Variants in TMEM45A observed in about 807,000 individuals in gnomAD.
TMEM45A encodes transmembrane protein 45A.
Under a neutral mutation model 32.0 loss-of-function variants are expected in TMEM45A, and 25 were observed. The ratio of observed to expected loss-of-function variants is 0.78; its 90% CI spans 0.57 to 1.09. The LOEUF (loss-of-function observed/expected upper bound fraction) is 1.09. TMEM45A is among the 50% of genes least tolerant of loss of function. The pLI is 0.00. For synonymous variants in TMEM45A, 122 were observed against 114.8 expected (o/e 1.06, Z -0.40); for missense variants, 302 against 325.0 (o/e 0.93, Z 0.54).
At chr3:100,565,723 A>G (rs997390355) in intron 4 of TMEM45A, among the ~76,000 whole-genome samples, 3 of 152,180 alleles carry the variant, frequency 2.0e-5, no homozygotes, top group Admixed American at 1.3e-4. Flanking sequence ...GAAACCTGCA[A>G]TACATTCATC....
intron 1 of TMEM45A, among the ~76,000 whole-genome samples, chr3:100,512,853 A>G (rs1245367757): frequency 6.6e-6 from 1 of 152,032 alleles, no homozygotes; most frequent in African/African-American, 2.4e-5. Context: ...ACACCTCTAC[A>G]CAAATAAACT....
intron 1 of TMEM45A, among the ~76,000 whole-genome samples, chr3:100,539,468 T>TATGCATATGC (rs1705813337): frequency 2.3e-5 from 3 of 127,762 alleles, no homozygotes; most frequent in East Asian, 4.2e-4. Flanking sequence ...TATGTATATG[T>TATGCATATGC]ATATGTATAT....
chr3:100,556,620 C>A, intron 2 of TMEM45A, 140 bp from the exon 3 acceptor site: 2 of 805,676 alleles, frequency 2.5e-6, no homozygotes, highest in Non-Finnish European at 4.0e-6. Context: ...CAGTGCTCAG[C>A]TGTTAGGGAA....
At chr3:100,551,174 C>G (rs1190514121) in intron 1 of TMEM45A, among the ~76,000 whole-genome samples, 1 of 152,042 alleles carries the variant, frequency 6.6e-6, no homozygotes, top group African/African-American at 2.4e-5. Context: ...CCACCACACC[C>G]AGAGACTTTT....
chr3:100,573,220 T>C (rs1380422657), intron 5 of TMEM45A: 8 of 151,618 alleles, frequency 5.3e-5, no homozygotes, highest in African/African-American at 1.9e-4. Flanking sequence ...ATATTGATTC[T>C]TCCTACCCAT....
intron 1 of TMEM45A, among the ~76,000 whole-genome samples, chr3:100,537,475 A>T (rs1186641411): frequency 1.3e-5 from 2 of 152,178 alleles, no homozygotes; most frequent in Non-Finnish European, 1.5e-5. Flanking sequence ...AGGAAATCCA[A>T]ACAAAGCCAT....
intron 1 of TMEM45A, among the ~76,000 whole-genome samples, chr3:100,514,290 G>C (rs1054445842): frequency 1.3e-5 from 2 of 151,814 alleles, no homozygotes; most frequent in Non-Finnish European, 2.9e-5. Context: ...ATAGATGAAT[G>C]GAACAGAACA....
chr3:100,567,407 T>C (rs1706464001), intron 4 of TMEM45A, among the ~76,000 whole-genome samples: 1 of 151,716 alleles, frequency 6.6e-6, no homozygotes, highest in African/African-American at 2.4e-5. Context: ...TTTTGATTAC[T>C]GTAGCTCTGT....
chr3:100,565,319 A>G (rs1706409353), intron 4 of TMEM45A, among the ~76,000 whole-genome samples: 1 of 152,216 alleles, frequency 6.6e-6, no homozygotes, highest in African/African-American at 2.4e-5. Flanking sequence ...CAGACAGTAG[A>G]AATGGAAGTT....
chr3:100,556,462 G>A (rs992911811), intron 2 of TMEM45A, among the ~76,000 whole-genome samples: 21 of 152,206 alleles, frequency 1.4e-4, no homozygotes, highest in African/African-American at 4.8e-4. Flanking sequence ...AATTCAGGAT[G>A]TATCTCAGTC....
intron 5 of TMEM45A, chr3:100,573,275 C>A (rs1456790711): frequency 4.6e-5 from 7 of 150,806 alleles, no homozygotes; most frequent in African/African-American, 1.7e-4. Context: ...CTTTTATTTC[C>A]TTGAGCAGTG....
chr3:100,504,046 C>T (rs1311556767), intron 1 of TMEM45A, among the ~76,000 whole-genome samples: 1 of 152,162 alleles, frequency 6.6e-6, no homozygotes, highest in Non-Finnish European at 1.5e-5. Flanking sequence ...GCTCTAGCCT[C>T]TGTATCCTGA....
At chr3:100,559,771 G>C (rs1445284618) in intron 4 of TMEM45A, among the ~76,000 whole-genome samples, 1 of 151,830 alleles carries the variant, frequency 6.6e-6, no homozygotes, top group East Asian at 1.9e-4. Flanking sequence ...AGTGTATCTT[G>C]TGTGCTCCTG....
chr3:100,510,095 C>T (rs1708134912), intron 1 of TMEM45A, among the ~76,000 whole-genome samples: 1 of 152,244 alleles, frequency 6.6e-6, no homozygotes. Context: ...AGCTGAGAAG[C>T]TCGAACTGGG....
intron 1 of TMEM45A, among the ~76,000 whole-genome samples, chr3:100,523,494 A>T (rs1230092701): frequency 6.6e-6 from 1 of 152,248 alleles, no homozygotes; most frequent in Non-Finnish European, 1.5e-5. Flanking sequence ...GGGAGATCCA[A>T]GAAGTAAACA....
At chr3:100,536,544 G>A (rs1299519897) in intron 1 of TMEM45A, among the ~76,000 whole-genome samples, 3 of 152,172 alleles carry the variant, frequency 2.0e-5, no homozygotes. Flanking sequence ...TTTGTTGAAA[G>A]CATGAATGGA....
At chr3:100,512,047 C>A (rs1708173100) in intron 1 of TMEM45A, among the ~76,000 whole-genome samples, 1 of 152,152 alleles carries the variant, frequency 6.6e-6, no homozygotes, top group East Asian at 1.9e-4. Flanking sequence ...ACCCCACTGT[C>A]AACATTAGAC....
chr3:100,568,134 A>T (rs2148994011), intron 4 of TMEM45A, among the ~76,000 whole-genome samples: 1 of 152,316 alleles, frequency 6.6e-6, no homozygotes, highest in Admixed American at 6.5e-5. Flanking sequence ...TTGTACAGAA[A>T]TACAACTGTT....
chr3:100,549,106 G>A (rs1206431965), intron 1 of TMEM45A, among the ~76,000 whole-genome samples: 1 of 151,998 alleles, frequency 6.6e-6, no homozygotes, highest in African/African-American at 2.4e-5. Flanking sequence ...AAATTAGCTG[G>A]TATGGTGGCA....
Sources: allele counts gnomAD v4.1 joint callset (sites outside exome capture counted in the v4.1 genomes callset), GRCh38; gene constraint gnomAD v4.1.1; transcripts MANE v1.5; gene names NCBI Gene and HGNC (gene_info 2026-07-23, HGNC 2026-07-21).